The following XXYLT1 variants were observed in gnomAD, a reference collection of about 807,000 sequenced individuals.
XXYLT1 encodes the protein UDP-xylose:alpha-xyloside alpha-1,3-xylosyltransferase.
XXYLT1 carries 20 observed loss-of-function variants against 28.9 expected under a neutral mutation model. The observed-to-expected ratio is 0.69, with a 90% CI of 0.49 to 1.00. XXYLT1 has a LOEUF of 1.00. Ranked by LOEUF, XXYLT1 falls within the 50% of genes least tolerant of loss-of-function variation. The pLI, the probability that XXYLT1 is intolerant of heterozygous loss-of-function variation, is 0.00. For synonymous variants in XXYLT1, 257 were observed against 253.8 expected, an observed-to-expected ratio of 1.01 and a Z score of -0.12; for missense variants, 542 against 560.1, an observed-to-expected ratio of 0.97 and a Z score of 0.33.
intron 1 of XXYLT1, among the ~76,000 whole-genome samples, chr3:195,235,951 C>CATAGAG (rs1426466427): frequency 3.6e-5 from 5 of 137,538 alleles, no homozygotes; most frequent in Admixed American, 2.2e-4. Flanking sequence ...TAGACATAGA[C>CATAGAG]ATAGAGATAT....
intron 3 of XXYLT1, among the ~76,000 whole-genome samples, chr3:195,079,925 G>A (rs771346322): frequency 8.5e-5 from 13 of 152,104 alleles, no homozygotes; most frequent in Non-Finnish European, 1.6e-4. Flanking sequence ...GAAGTGTCCC[G>A]CTCATCTTCA....
At chr3:195,143,818 A>G (rs1449525890) in intron 3 of XXYLT1, among the ~76,000 whole-genome samples, 1 of 96,312 alleles carries the variant, frequency 1.0e-5, no homozygotes, top group Non-Finnish European at 2.0e-5. Flanking sequence ...ATATATAGAT[A>G]TAGATATATA....
At chr3:195,262,839 A>AT (rs1202898357) in intron 1 of XXYLT1, among the ~76,000 whole-genome samples, 1 of 152,228 alleles carries the variant, frequency 6.6e-6, no homozygotes, top group Non-Finnish European at 1.5e-5. Flanking sequence ...TTTCATGAGT[A>AT]TATTACAATT....
In XXYLT1 at chr3:195,102,033, G is replaced by A. The variant is rs146427106; in HGVS notation, c.786-31922C>T. Among the ~76,000 whole-genome samples the A allele has an allele frequency of 6.1e-3, 782 of 128,980 alleles. 6 individuals are homozygous for A. The highest frequency in any genetic ancestry group is 0.019 in the South Asian group (63 of 3,392). The allele number at this position is 128,980 out of a possible 152,430, so 84.6% of individuals were successfully genotyped here. ...GTAAAGAAACAGAAAAAAAGGAAGA[G>A]AGAAAGAGGAAGGGAGGAGAGGAGG... On this transcript the variant is annotated intron_variant, in intron 3 of 3. Transcript: ENST00000310380.
intron 3 of XXYLT1, among the ~76,000 whole-genome samples, chr3:195,102,838 ACTG>A (rs1716867496): frequency 6.6e-6 from 1 of 152,196 alleles, no homozygotes; most frequent in Non-Finnish European, 1.5e-5. Context: ...CAGAAGAAGG[ACTG>A]CTGAGTCATA....
At chr3:195,245,185 G>A (rs554898982) in intron 1 of XXYLT1, among the ~76,000 whole-genome samples, 1 of 148,222 alleles carries the variant, frequency 6.7e-6, no homozygotes, top group African/African-American at 2.5e-5. Context: ...TTTTGAGACG[G>A]AGTCTCGCTC....
At chr3:195,112,356 CG>C (rs924252549) in intron 3 of XXYLT1, among the ~76,000 whole-genome samples, 1 of 152,178 alleles carries the variant, frequency 6.6e-6, no homozygotes, top group African/African-American at 2.4e-5. Context: ...TGAGGCAACT[CG>C]GGGCAGGGCC....
At chr3:195,242,642 C>A (rs954349323) in intron 1 of XXYLT1, among the ~76,000 whole-genome samples, 2 of 152,090 alleles carry the variant, frequency 1.3e-5, no homozygotes, top group African/African-American at 4.8e-5. Context: ...ACATGGGAGG[C>A]TGGAGGAGGT....
chr3:195,193,361 G>T (rs1054458908), intron 2 of XXYLT1, among the ~76,000 whole-genome samples: 2 of 151,298 alleles, frequency 1.3e-5, no homozygotes, highest in African/African-American at 2.4e-5. Flanking sequence ...TACAAGACTC[G>T]CATACTAAAA....
At chr3:195,192,099 T>C (rs1456426094) in intron 2 of XXYLT1, among the ~76,000 whole-genome samples, 1 of 152,168 alleles carries the variant, frequency 6.6e-6, no homozygotes, top group Non-Finnish European at 1.5e-5. Context: ...ACAGACTACA[T>C]ACTAGGCCAC....
At chr3:195,117,643 A>AC (rs35510379) in intron 3 of XXYLT1, among the ~76,000 whole-genome samples, 72,934 of 151,814 alleles carry the variant, frequency 0.48, 18,679 homozygotes, top group Non-Finnish European at 0.55. Flanking sequence ...AACTCCATGC[A>AC]CCCCCCTCTC....
chr3:195,241,031 A>G (rs779891468), intron 1 of XXYLT1, among the ~76,000 whole-genome samples: 23 of 152,366 alleles, frequency 1.5e-4, no homozygotes, highest in Middle Eastern at 3.4e-3. Context: ...AAGTAAAGAC[A>G]TCTGCCTCCC....
intron 1 of XXYLT1, among the ~76,000 whole-genome samples, chr3:195,241,508 G>T (rs998164123): frequency 2.0e-5 from 3 of 152,030 alleles, no homozygotes; most frequent in African/African-American, 7.2e-5. Flanking sequence ...ATGACTTTCT[G>T]GGAAAACAAA....
chr3:195,083,235 C>A (rs1348369132), intron 3 of XXYLT1, among the ~76,000 whole-genome samples: 1 of 152,100 alleles, frequency 6.6e-6, no homozygotes, highest in Non-Finnish European at 1.5e-5. Flanking sequence ...ACCAGATGCA[C>A]CCTTGCACGT....
At chr3:195,128,393 T>G (rs144555803) in intron 3 of XXYLT1, among the ~76,000 whole-genome samples, 3 of 152,170 alleles carry the variant, frequency 2.0e-5, no homozygotes, top group African/African-American at 7.2e-5. Context: ...GTATTCATGT[T>G]TTCACTCCTC....
At position 195,210,620 on chromosome 3, in the gene XXYLT1, C is replaced by G. The variant is rs1343415957; in HGVS notation, c.652+16089G>C. 6.6e-6 allele frequency among the ~76,000 whole-genome samples: 1 copy of G among 152,214 alleles called. No individual in the cohort carries two copies. The highest frequency in any genetic ancestry group is 2.1e-4 in the South Asian group (1 of 4,838). ...ACTATTTTCATTAGCTTAGAAAGAG[C>G]TTCTGGCATTAAATTAGTAGAAAAT... is the stretch of plus-strand genomic sequence containing the variant. On this transcript the variant is annotated intron_variant, in intron 2 of 3. Transcript: ENST00000310380. The surrounding 1 kb of genome is among the most constrained non-coding windows in gnomAD (Gnocchi z 4.8).
At chr3:195,072,680 G>A (rs1323403805) in intron 3 of XXYLT1, among the ~76,000 whole-genome samples, 1 of 152,194 alleles carries the variant, frequency 6.6e-6, no homozygotes, top group Admixed American at 6.5e-5. Flanking sequence ...AAGCTGCCCC[G>A]TGTGTGTGCT....
chr3:195,077,328 T>C lies in XXYLT1; in HGVS notation c.786-7217A>G, dbSNP rs1715179356. 6.6e-6 allele frequency among the ~76,000 whole-genome samples: 1 copy of C among 152,116 alleles called. No individual in the cohort carries two copies. The highest frequency in any genetic ancestry group is 1.5e-5 in the Non-Finnish European group (1 of 67,998). ...TCTCAACCCAGAGGCAGTGCCGCAA[T>C]AACATGGATGGAATGGGGAAGATGC... On this transcript the variant is annotated intron_variant, in intron 3 of 3. Transcript: ENST00000310380. This position sits in a 1 kb window ranked among gnomAD's most constrained non-coding sequence, Gnocchi z 4.8.
intron 3 of XXYLT1, among the ~76,000 whole-genome samples, chr3:195,117,497 G>A (rs1293691373): frequency 6.6e-6 from 1 of 152,220 alleles, no homozygotes; most frequent in African/African-American, 2.4e-5. Flanking sequence ...ACTTGTACAT[G>A]TATCTATGTG....
Sources: gnomAD v4.1 joint callset for allele counts (sites outside exome capture counted in the v4.1 genomes callset) on GRCh38, gnomAD v4.1.1 for gene constraint, Gnocchi (gnomAD v3.1) non-coding constraint, MANE v1.5 for transcripts, NCBI Gene and HGNC (gene_info 2026-07-23, HGNC 2026-07-21) for gene names.